The following VPS4A variants were observed in gnomAD, a reference collection of about 807,000 sequenced individuals.
VPS4A encodes the protein vacuolar protein sorting-associated protein 4A.
In VPS4A, 20 loss-of-function variants were observed where a neutral mutation model predicts 52.3. The ratio of observed to expected loss-of-function variants is 0.38; its 90% confidence interval spans 0.27 to 0.56. The LOEUF (loss-of-function observed/expected upper bound fraction) is 0.56. Among genes scored for constraint, VPS4A ranks in the 20% least tolerant of loss-of-function variants. VPS4A has a pLI of 0.72. For missense variants in VPS4A, 419 were observed against 575.9 expected (o/e 0.73, Z 2.79); for synonymous variants, 293 against 227.7 (o/e 1.29, Z -2.58).
intron 10 of VPS4A, among the ~76,000 whole-genome samples, chr16:69,323,889 G>T (rs947030977): frequency 6.6e-6 from 1 of 150,638 alleles, no homozygotes; most frequent in African/African-American, 2.5e-5. Context: ...GGTGGAGGTT[G>T]CGGTGAGCCG....
At chr16:69,316,668 A>C (rs1965441264) in intron 3 of VPS4A, among the ~76,000 whole-genome samples, 1 of 152,168 alleles carries the variant, frequency 6.6e-6, no homozygotes, top group Non-Finnish European at 1.5e-5. Context: ...CCGTGTGCCT[A>C]CCATCTCCAC....
At position 69,325,115 on chromosome 16, in the gene VPS4A, AC is replaced by A; in HGVS notation, c.*809del. The stretch of plus-strand genomic sequence containing the variant: ...GGCCACCCTTGCTTCCAATTAAAAG[AC>A]CCTCTGGTTTTCTGTCTCCTCTCTT... On this transcript the variant is annotated 3_prime_UTR_variant, in exon 11 of 11. Transcript: ENST00000254950. The A allele has an allele frequency of 6.6e-6, 1 of 152,290 alleles. No individual in the cohort carries two copies. Among genetic ancestry groups the A allele is most frequent in the South Asian group, 2.1e-4 (1 of 4,826 alleles). 9.4% of individuals were successfully genotyped at this position (152,290 alleles called of 1,614,324 possible).
At chr16:69,319,293 C>T in intron 5 of VPS4A, 94 bp from the exon 6 acceptor site, 1 of 1,521,708 alleles carries the variant, frequency 6.6e-7, no homozygotes. Context: ...CACAGAATGC[C>T]CTGTTTTACT....
At chr16:69,322,854 G>A in intron 10 of VPS4A, 154 bp downstream of exon 10, 1 of 923,234 alleles carries the variant, frequency 1.1e-6, no homozygotes, top group Non-Finnish European at 1.5e-6. Context: ...CAGATCACAA[G>A]GTTAGGAGTT....
At position 69,320,112 on chromosome 16, in the gene VPS4A, T is replaced by G; in HGVS notation, c.621-29T>G. 1 of 1,604,306 alleles carries G rather than the reference T, an allele frequency of 6.2e-7. No individual in the cohort carries two copies. The highest frequency in any genetic ancestry group is 8.5e-7 in the Non-Finnish European group (1 of 1,172,506). On this transcript the variant is annotated intron_variant, in intron 6 of 10. Transcript: ENST00000254950. The surrounding 1 kb of genome is among the most constrained non-coding windows in gnomAD (Gnocchi z 4.2). ...CAGGCGGGCACGGACGTGAACGTCT[T>G]GTCCTCACCCCCTTTCTCACCTTCA...
intron 1 of VPS4A, 37 bp downstream of exon 1, chr16:69,311,569 A>T: frequency 7.8e-7 from 1 of 1,283,170 alleles, no homozygotes; most frequent in Non-Finnish European, 1.0e-6. Context: ...CGGAGGCCGA[A>T]GGCAGCGGGG....
chr16:69,320,320 C>G lies in VPS4A; in HGVS notation c.769+31C>G. 1 of 1,603,236 alleles carries G rather than the reference C, an allele frequency of 6.2e-7. No homozygotes were observed. The highest frequency in any genetic ancestry group is 8.5e-7 in the Non-Finnish European group (1 of 1,171,530). ...TGCCGGGCCCAGGGCCCCCTTGGTT[C>G]TTGTTGCACCTGAAGCCAACCCTGG... On this transcript the variant is annotated intron_variant, in intron 7 of 10. Coordinates refer to ENST00000254950, the MANE Select transcript of VPS4A (RefSeq NM_013245.3). The surrounding 1 kb of genome is among the most constrained non-coding windows in gnomAD (Gnocchi z 4.2).
rs1965434565 is a variant in VPS4A, at chr16:69,316,207, C to T, written c.134-18C>T. On this transcript the variant is annotated intron_variant, in intron 2 of 10. Transcript: ENST00000254950. ...GCGCACGAGCCTCACAGGGGCCCCT[C>T]TGTGTTCCCTTTCACAGATGAGGCC... The T allele has an allele frequency of 6.2e-7, 1 of 1,613,324 alleles. No individual in the cohort carries two copies. Among genetic ancestry groups the T allele is most frequent in the Non-Finnish European group, 8.5e-7 (1 of 1,179,808 alleles).
In VPS4A at chr16:69,320,087, C is replaced by G; in HGVS notation, c.621-54C>G. On this transcript the variant is annotated intron_variant, in intron 6 of 10. Transcript: ENST00000254950. The surrounding 1 kb of genome is among the most constrained non-coding windows in gnomAD (Gnocchi z 4.2). ...TGAGAAGAGGGAAGTGCCGGGAGCC[C>G]AGGCGGGCACGGACGTGAACGTCTT... 1 of 1,566,030 alleles carries G rather than the reference C, an allele frequency of 6.4e-7. No individual in the cohort carries two copies.
rs1342275409 is a variant in VPS4A at position 69,320,105 on chromosome 16, A to G, written c.621-36A>G. 1.9e-5 allele frequency: 31 copies of G among 1,593,798 alleles called. No homozygotes were observed. The highest frequency in any genetic ancestry group is 2.6e-5 in the Non-Finnish European group (30 of 1,164,644). On this transcript the variant is annotated intron_variant, in intron 6 of 10. Coordinates refer to ENST00000254950, the MANE Select transcript of VPS4A (RefSeq NM_013245.3). The surrounding 1 kb of genome is among the most constrained non-coding windows in gnomAD (Gnocchi z 4.2). ...GGGAGCCCAGGCGGGCACGGACGTG[A>G]ACGTCTTGTCCTCACCCCCTTTCTC...
rs759037249 is a variant in VPS4A at position 69,318,860 on chromosome 16, C to T, written c.381C>T (p.Asn127=). 6.6e-5 allele frequency: 106 copies of T among 1,613,522 alleles called. No individual in the cohort carries two copies. Among genetic ancestry groups the T allele is most frequent in the South Asian group, 3.1e-4 (28 of 91,082 alleles). ...TGGAGAAGCCCAACATACGGTGGAA[C>T]GACGTGGCCGGGCTGGAGGGGGCCA... ...VVMEKPNIRW[N]DVAGLEGAKE... The change falls in exon 5 of 11, where the codon AAC becomes AAT. Residue 127 remains asparagine, a synonymous_variant. Coordinates refer to ENST00000254950, the MANE Select transcript of VPS4A (RefSeq NM_013245.3).
chr16:69,322,281 A>G (rs1017730356), intron 9 of VPS4A: 9 of 275,762 alleles, frequency 3.3e-5, no homozygotes, highest in Non-Finnish European at 6.1e-5. Flanking sequence ...GGGTGGGGGC[A>G]CAGCTAAACC....
chr16:69,315,359 CAAGT>C (rs1393028820), intron 1 of VPS4A, among the ~76,000 whole-genome samples: 2 of 152,204 alleles, frequency 1.3e-5, no homozygotes, highest in East Asian at 3.8e-4. Context: ...AGGGAGCAAG[CAAGT>C]ACTTTTCTTA....
chr16:69,319,057 C>G, intron 5 of VPS4A, 115 bp downstream of exon 5: 1 of 1,448,086 alleles, frequency 6.9e-7, no homozygotes, highest in South Asian at 1.3e-5. Flanking sequence ...TGCAGAGGGC[C>G]AGGCCTGGCT....
At chr16:69,315,742 A>G (rs532653901) in intron 1 of VPS4A, among the ~76,000 whole-genome samples, 1 of 152,220 alleles carries the variant, frequency 6.6e-6, no homozygotes, top group South Asian at 2.1e-4. Flanking sequence ...CTGACCTGAG[A>G]TATTAGGTCA....
At chr16:69,324,081 A>G (rs930564268) in intron 10 of VPS4A, 127 bp from the exon 11 acceptor site, 4 of 836,366 alleles carry the variant, frequency 4.8e-6, no homozygotes, top group Admixed American at 2.4e-5. Context: ...GGCAGATTCA[A>G]GCAGGCCTCT....
chr16:69,322,376 T>C, intron 9 of VPS4A, 184 bp from the exon 10 acceptor site: 1 of 534,300 alleles, frequency 1.9e-6, no homozygotes, highest in Non-Finnish European at 3.2e-6. Flanking sequence ...GGCTACAGAT[T>C]GCCAGAGTCC....
intron 3 of VPS4A, among the ~76,000 whole-genome samples, 161 bp from the exon 4 acceptor site, chr16:69,318,489 C>T (rs1461892741): frequency 6.6e-6 from 1 of 152,180 alleles, no homozygotes; most frequent in Non-Finnish European, 1.5e-5. Context: ...GAGCATTGGC[C>T]CAAATGTCCC....
intron 1 of VPS4A, among the ~76,000 whole-genome samples, chr16:69,314,892 C>T (rs1047584293): frequency 8.5e-5 from 13 of 152,048 alleles, no homozygotes; most frequent in Non-Finnish European, 1.8e-4. Context: ...ATGCTTCGTG[C>T]AGGCGTTGGT....
Sources: gnomAD v4.1 joint callset for allele counts (sites outside exome capture counted in the v4.1 genomes callset) on GRCh38, gnomAD v4.1.1 for gene constraint, Gnocchi (gnomAD v3.1) non-coding constraint, MANE v1.5 for transcripts, NCBI Gene and HGNC (gene_info 2026-07-23, HGNC 2026-07-21) for gene names.